Variants in ZNF157 observed in about 807,000 individuals in gnomAD.
ZNF157 encodes zinc finger protein 22.
ZNF157 carries 8 observed loss-of-function variants against 9.4 expected under a neutral mutation model. That is an observed-to-expected ratio of 0.85 (90% CI 0.50 to 1.53). The LOEUF (loss-of-function observed/expected upper bound fraction) is 1.53. Among genes scored for constraint, ZNF157 ranks in the 40% most tolerant of loss-of-function variants. The pLI, the probability that ZNF157 is intolerant of heterozygous loss-of-function variation, is 0.00. For synonymous variants in ZNF157, 120 were observed against 130.8 expected (o/e 0.92, Z 0.56); for missense variants, 316 against 385.2 (o/e 0.82, Z 1.50).
intron 1 of ZNF157, among the ~76,000 whole-genome samples, chrX:47,389,365 T>G (rs1029940987): frequency 1.9e-5 from 2 of 106,799 alleles, no homozygotes; most frequent in Non-Finnish European, 3.9e-5. Flanking sequence ...TTTTTTTTTT[T>G]CCAAGACAGA....
chrX:47,374,833 C>A (rs1602757535), intron 1 of ZNF157, among the ~76,000 whole-genome samples: 1 of 101,496 alleles, frequency 9.9e-6, no homozygotes, highest in Non-Finnish European at 2.0e-5. Flanking sequence ...CTCAGCCTCC[C>A]AAGTAGCTGG....
chrX:47,413,407 G>A lies in ZNF157; in HGVS notation c.1334G>A (p.Ser445Asn). ...ACAGGAGAGAAACCTTATGAATGTA[G>A]TGAATGTGGAAATGCCTTCTATGTG... is the stretch of plus-strand genomic sequence containing the variant. ...THTGEKPYEC[S>N]ECGNAFYVKV... The change falls in exon 4 of 4, where the codon AGT (serine) becomes AAT (asparagine). Residue 445 changes from serine (S) to asparagine (N), a missense_variant. Around this residue, in one of 3 missense-constraint regions of ZNF157, gnomAD observed 167 missense variants for 183.6 expected, o/e 0.91. Coordinates refer to ENST00000377073, the MANE Select transcript of ZNF157 (RefSeq NM_003446.4). 8.3e-7 allele frequency: 1 copy of A among 1,211,538 alleles called. No individual in the cohort carries two copies. The highest frequency in any genetic ancestry group is 1.1e-6 in the Non-Finnish European group (1 of 895,438).
chrX:47,373,826 C>T (rs1344883576), intron 1 of ZNF157, among the ~76,000 whole-genome samples: 2 of 105,508 alleles, frequency 1.9e-5, no homozygotes, highest in Non-Finnish European at 3.9e-5. Flanking sequence ...TAGCTAGGAC[C>T]ACAGGTGTGT....
chrX:47,400,866 A>C (rs1261442432), intron 1 of ZNF157, among the ~76,000 whole-genome samples: 5 of 111,144 alleles, frequency 4.5e-5, no homozygotes, highest in Non-Finnish European at 7.6e-5. Context: ...TGTGTTCTCC[A>C]GGCTGGTCTT....
intron 1 of ZNF157, among the ~76,000 whole-genome samples, chrX:47,398,177 A>G (rs145070259): frequency 0.015 from 1,645 of 110,374 alleles, 34 homozygotes; most frequent in African/African-American, 0.051. Flanking sequence ...GGACCTGTGA[A>G]TCCTGGCTAT....
chrX:47,405,233 C>G, intron 1 of ZNF157, among the ~76,000 whole-genome samples: 1 of 110,701 alleles, frequency 9.0e-6, no homozygotes, highest in Non-Finnish European at 1.9e-5. Flanking sequence ...ACTAAAAATA[C>G]AAAAAATTAG....
intron 1 of ZNF157, among the ~76,000 whole-genome samples, chrX:47,409,088 C>G (rs926608413): frequency 9.0e-6 from 1 of 111,697 alleles, no homozygotes; most frequent in Non-Finnish European, 1.9e-5. Context: ...ATGATCTTAC[C>G]CCCCAAACCT....
At chrX:47,397,242 T>TC in intron 1 of ZNF157, among the ~76,000 whole-genome samples, 1 of 42,839 alleles carries the variant, frequency 2.3e-5, no homozygotes, top group Non-Finnish European at 4.6e-5. Flanking sequence ...TTTTTCTTTC[T>TC]TTTTTTTTTT....
rs1274827589 is a variant in ZNF157 at position 47,413,184 on chromosome X, T to C, written c.1111T>C (p.Ser371Pro). The change falls in exon 4 of 4, where the codon TCA (serine) becomes CCA (proline). Residue 371 changes from serine to proline, a missense_variant. Physicochemically the swap from Ser to Pro is moderately conservative, Grantham distance 74. This residue lies in a region of ZNF157 where 167 missense variants were observed against 183.6 expected (regional missense o/e 0.91). Coordinates refer to ENST00000377073, the MANE Select transcript of ZNF157 (RefSeq NM_003446.4). ...NECGKSFRVH[S>P]SLGIHQRIHT... ...ATGTGGGAAATCTTTCAGGGTGCAC[T>C]CATCTCTTGGGATCCATCAGAGAAT... 2 of 1,211,371 alleles carry C rather than the reference T, an allele frequency of 1.7e-6. No individual in the cohort carries two copies. The highest frequency in any genetic ancestry group is 1.1e-6 in the Non-Finnish European group (1 of 895,172).
chrX:47,402,658 G>T (rs1384799550), intron 1 of ZNF157, among the ~76,000 whole-genome samples: 1 of 107,122 alleles, frequency 9.3e-6, no homozygotes, highest in Non-Finnish European at 1.9e-5. Context: ...TCTTGCCTCA[G>T]CCTCCCGAGT....
At position 47,413,816 on chromosome X, in the gene ZNF157, A is replaced by G. The variant is rs910847826; in HGVS notation, c.*222A>G. 3 of 387,582 alleles carry G rather than the reference A, an allele frequency of 7.7e-6. No homozygotes were observed. The highest frequency in any genetic ancestry group is 5.1e-5 in the African/African-American group (2 of 39,199). 31.9% of individuals were successfully genotyped at this position (387,582 alleles called of 1,213,427 possible). ...TTTTTCTTCTGTGCATTGACTGTTCATGTCCTCTGCTCATTGTTTTCAAAT... is the reference window on the plus strand; with the variant it reads ...TTTTTCTTCTGTGCATTGACTGTTCGTGTCCTCTGCTCATTGTTTTCAAAT... On this transcript the variant is annotated 3_prime_UTR_variant, in exon 4 of 4. Transcript: ENST00000377073.
chrX:47,394,089 G>A (rs1193902184), intron 1 of ZNF157, among the ~76,000 whole-genome samples: 1 of 108,815 alleles, frequency 9.2e-6, no homozygotes, highest in African/African-American at 3.3e-5. Flanking sequence ...AGCCTCCCGA[G>A]TAGCTGGGAC....
intron 2 of ZNF157, 73 bp downstream of exon 2, chrX:47,410,475 T>G: frequency 8.8e-7 from 1 of 1,140,394 alleles, no homozygotes; most frequent in Non-Finnish European, 1.2e-6. Context: ...TGTGCAGCCT[T>G]GCGAGGGTTT....
chrX:47,372,364 G>A (rs964168210), intron 1 of ZNF157, among the ~76,000 whole-genome samples: 3 of 110,543 alleles, frequency 2.7e-5, no homozygotes, highest in Admixed American at 9.7e-5. Flanking sequence ...AGTCTGGAGA[G>A]CTTCTGGGTA....
intron 1 of ZNF157, among the ~76,000 whole-genome samples, chrX:47,398,382 A>G (rs2055920146): frequency 8.9e-6 from 1 of 112,218 alleles, no homozygotes; most frequent in Non-Finnish European, 1.9e-5. Context: ...TTGCTGTGAA[A>G]TAAGTTCCTT....
intron 1 of ZNF157, among the ~76,000 whole-genome samples, chrX:47,394,689 G>A (rs777782594): frequency 2.3e-4 from 26 of 111,917 alleles, no homozygotes; most frequent in African/African-American, 7.4e-4. Flanking sequence ...AAAACTAGAA[G>A]CACCTTTAAC....
intron 1 of ZNF157, among the ~76,000 whole-genome samples, chrX:47,386,006 C>A (rs5952432): frequency 0.3 from 33,384 of 109,774 alleles, 3,720 homozygotes; most frequent in Middle Eastern, 0.5. Context: ...GCTCCCACCA[C>A]CATGTTCTTG....
intron 1 of ZNF157, among the ~76,000 whole-genome samples, chrX:47,402,302 C>T (rs889480240): frequency 9.0e-6 from 1 of 110,680 alleles, no homozygotes; most frequent in Non-Finnish European, 1.9e-5. Flanking sequence ...TTTATGTGCA[C>T]GTGAGAAAAA....
At chrX:47,393,747 T>C (rs1281467578) in intron 1 of ZNF157, among the ~76,000 whole-genome samples, 2 of 74,318 alleles carry the variant, frequency 2.7e-5, no homozygotes. Flanking sequence ...CCCGCCCTTT[T>C]TTTTTTTTTT....
Sources: allele counts gnomAD v4.1 joint callset (sites outside exome capture counted in the v4.1 genomes callset), GRCh38; gene constraint gnomAD v4.1.1; regional missense constraint gnomAD v4.1.1; transcripts MANE v1.5; gene names NCBI Gene and HGNC (gene_info 2026-07-23, HGNC 2026-07-21).